The following OR4N5 variants were observed in gnomAD, a reference collection of about 807,000 sequenced individuals.
OR4N5 encodes olfactory receptor family 4 subfamily N member 5, also known as olfactory receptor 4N5.
For synonymous variants in OR4N5, 155 were observed against 140.6 expected, an observed-to-expected ratio of 1.10 and a Z score of -0.72; for missense variants, 428 against 370.0, an observed-to-expected ratio of 1.16 and a Z score of -1.29.
chr14:20,145,325 G>C lies in OR4N5; in HGVS notation c.*663G>C, dbSNP rs188724933. On this transcript the variant is annotated 3_prime_UTR_variant, in exon 3 of 3. Transcript: ENST00000641086. ...AAAGGAGATTCTTGAAAGACAATAAGCAGGAGAGTAACTCTTTAATGTTTC... is the reference window on the plus strand; with the variant it reads ...AAAGGAGATTCTTGAAAGACAATAACCAGGAGAGTAACTCTTTAATGTTTC... 6.6e-6 allele frequency: 1 copy of C among 152,170 alleles called. No homozygotes were observed. Among genetic ancestry groups the C allele is most frequent in the African/African-American group, 2.4e-5 (1 of 41,448 alleles). 9.4% of individuals were successfully genotyped at this position (152,170 alleles called of 1,614,324 possible).
intron 2 of OR4N5, 72 bp from the exon 3 acceptor site, chr14:20,143,653 C>T (rs572464994): frequency 1.0e-6 from 1 of 1,003,842 alleles, no homozygotes; most frequent in Admixed American, 2.3e-5. Context: ...ATGTTCTTAT[C>T]TGGAGAGGAG....
In OR4N5 at chr14:20,144,383, C is replaced by T. The variant is rs1245947635; in HGVS notation, c.648C>T (p.Ala216=). The T allele has an allele frequency of 6.2e-7, 1 of 1,613,904 alleles. No individual in the cohort carries two copies. Among genetic ancestry groups the T allele is most frequent in the Non-Finnish European group, 8.5e-7 (1 of 1,179,994 alleles). ...LSLLCFLGLL[A]SYAVILCRIR... ...TCCTGTGCTTCCTGGGCCTTCTGGC[C>T]TCCTATGCAGTCATCCTCTGTCGTA... Residue 216 remains alanine, a synonymous_variant, in exon 3 of 3, where the codon GCC becomes GCT. Coordinates refer to ENST00000641086, the MANE Select transcript of OR4N5 (RefSeq NM_001004724.2).
At position 20,140,107 on chromosome 14, in the gene OR4N5, C is replaced by T. The variant is rs1046076250; in HGVS notation, c.-380-736C>T. Among the ~76,000 whole-genome samples the T allele has an allele frequency of 2.6e-5, 4 of 152,138 alleles. No homozygotes were observed. The East Asian group carries it at 7.7e-4, about 29-fold the overall frequency. On this transcript the variant is annotated intron_variant, in intron 1 of 2. Coordinates refer to ENST00000641086, the MANE Select transcript of OR4N5 (RefSeq NM_001004724.2). Reference sequence around the variant, plus strand: ...GAAATACATAGGAAGCAACTAACTACTGTGCTCACTCTACCTTGGAACAGG... The same window carrying T: ...GAAATACATAGGAAGCAACTAACTATTGTGCTCACTCTACCTTGGAACAGG...
At chr14:20,143,663 G>A (rs752835315) in intron 2 of OR4N5, 62 bp from the exon 3 acceptor site, 182 of 1,084,270 alleles carry the variant, frequency 1.7e-4, no homozygotes, top group Non-Finnish European at 2.4e-4. Flanking sequence ...CTGGAGAGGA[G>A]ATAGAAAACA....
chr14:20,141,074 G>T lies in OR4N5; in HGVS notation c.-149G>T, dbSNP rs1452950696. The T allele has an allele frequency of 6.6e-6, 1 of 152,120 alleles. No homozygotes were observed. Among genetic ancestry groups the T allele is most frequent in the African/African-American group, 2.4e-5 (1 of 41,442 alleles). The allele number at this position is 152,120 out of a possible 1,614,324, so 9.4% of individuals were successfully genotyped here. On this transcript the variant is annotated 5_prime_UTR_variant, in exon 2 of 3. The change abolishes the stop of an existing upstream ORF in the 5' untranslated region. Coordinates refer to ENST00000641086, the MANE Select transcript of OR4N5 (RefSeq NM_001004724.2). ...TTCATCTGTTAGTTAACAGAAAATAGACGGAAATAGTAGAAAATAAAAGCA... is the reference window on the plus strand; with the variant it reads ...TTCATCTGTTAGTTAACAGAAAATATACGGAAATAGTAGAAAATAAAAGCA...
At position 20,144,130 on chromosome 14, in the gene OR4N5, A is replaced by C; in HGVS notation, c.395A>C (p.Tyr132Ser). Residue 132 changes from tyrosine to serine, a missense_variant, in exon 3 of 3, where the codon TAT becomes TCT. Transcript: ENST00000641086. ...RYIAICRPLHYSTIMNPRACY... is the reference protein window; with the variant it reads ...RYIAICRPLHSSTIMNPRACY... ...ATCGCCATCTGCCGGCCTTTACACT[A>C]TTCAACCATCATGAACCCTAGAGCC... 1 of 1,614,066 alleles carries C rather than the reference A, an allele frequency of 6.2e-7. No homozygotes were observed. The highest frequency in any genetic ancestry group is 8.5e-7 in the Non-Finnish European group (1 of 1,179,972).
chr14:20,139,632 C>T (rs1024644038), intron 1 of OR4N5, among the ~76,000 whole-genome samples: 1 of 152,140 alleles, frequency 6.6e-6, no homozygotes, highest in African/African-American at 2.4e-5. Flanking sequence ...GTATTTATCA[C>T]TGAATGCTTC....
chr14:20,143,853 C>G lies in OR4N5; in HGVS notation c.118C>G (p.Pro40Ala). 6.2e-7 allele frequency: 1 copy of G among 1,613,982 alleles called. No homozygotes were observed. Among genetic ancestry groups the G allele is most frequent in the African/African-American group, 1.3e-5 (1 of 74,996 alleles). Residue 40 changes from proline (P) to alanine (A), a missense_variant, in exon 3 of 3, where the codon CCT becomes GCT. Coordinates refer to ENST00000641086, the MANE Select transcript of OR4N5 (RefSeq NM_001004724.2). ...CTTAATTTTCTACCTTATCATCCTCCCTGGAAATTTCCTCATCATTTTCAC... is the reference window on the plus strand; with the variant it reads ...CTTAATTTTCTACCTTATCATCCTCGCTGGAAATTTCCTCATCATTTTCAC... ...LVLIFYLIIL[P>A]GNFLIIFTIK...
rs770823622 is a variant in OR4N5 at position 20,143,940 on chromosome 14, C to G, written c.205C>G (p.Leu69Val). The change falls in exon 3 of 3, where the codon CTG becomes GTG. Residue 69 changes from leucine to valine, a missense_variant. Coordinates refer to ENST00000641086, the MANE Select transcript of OR4N5 (RefSeq NM_001004724.2). ...LYFFLGNLAL[L>V]DASYSFIVVP... ...TTTCTTTCTGGGCAACTTGGCCTTACTGGATGCATCCTACTCCTTCATTGT... is the reference window on the plus strand; with the variant it reads ...TTTCTTTCTGGGCAACTTGGCCTTAGTGGATGCATCCTACTCCTTCATTGT... 6.2e-7 allele frequency: 1 copy of G among 1,614,054 alleles called. No homozygotes were observed. Among genetic ancestry groups the G allele is most frequent in the South Asian group, 1.1e-5 (1 of 91,084 alleles).
rs144264850 is a variant in OR4N5 at position 20,139,843 on chromosome 14, A to T, written c.-381+953A>T. Among the ~76,000 whole-genome samples the T allele has an allele frequency of 3.3e-5, 5 of 152,314 alleles. 1 individual carries two copies. Among genetic ancestry groups the T allele is most frequent in the African/African-American group, 1.2e-4 (5 of 41,592 alleles). On this transcript the variant is annotated intron_variant, in intron 1 of 2. Transcript: ENST00000641086. ...GCCTAAGCTTCCTAAAATTGCAGAT[A>T]TGGTAACTCAGCAAGGTAAAATAAT...
Position 20,144,090 on chromosome 14 carries a change from G to A in OR4N5, c.355G>A (p.Ala119Thr), listed in dbSNP as rs769924991. ...AGAGATGTTCCTCCTCGTTGTGATG[G>A]CCTTTGACCGCTACATCGCCATCTG... ...AGEMFLLVVM[A>T]FDRYIAICRP... The change falls in exon 3 of 3, where the codon GCC becomes ACC. Residue 119 changes from alanine to threonine, a missense_variant. Coordinates refer to ENST00000641086, the MANE Select transcript of OR4N5 (RefSeq NM_001004724.2). 1.2e-6 allele frequency: 2 copies of A among 1,613,904 alleles called. No homozygotes were observed. Among genetic ancestry groups the A allele is most frequent in the East Asian group, 4.5e-5 (2 of 44,876 alleles).
At chr14:20,140,088 C>A (rs1878587109) in intron 1 of OR4N5, among the ~76,000 whole-genome samples, 1 of 152,120 alleles carries the variant, frequency 6.6e-6, no homozygotes, top group African/African-American at 2.4e-5. Context: ...GAATGAAATA[C>A]ATAGGAAGCA....
intron 1 of OR4N5, among the ~76,000 whole-genome samples, chr14:20,139,730 A>G (rs1878580106): frequency 6.6e-6 from 1 of 152,272 alleles, no homozygotes; most frequent in Non-Finnish European, 1.5e-5. Context: ...AAAAACAGCG[A>G]ATATATTATT....
intron 2 of OR4N5, among the ~76,000 whole-genome samples, chr14:20,142,629 T>G (rs1475129983): frequency 6.6e-6 from 1 of 152,186 alleles, no homozygotes; most frequent in Non-Finnish European, 1.5e-5. Flanking sequence ...TATTTAGACA[T>G]GCAGCATCAT....
In OR4N5 at chr14:20,140,925, C is replaced by T. The variant is rs948788291; in HGVS notation, c.-298C>T. 4 of 151,518 alleles carry T rather than the reference C, an allele frequency of 2.6e-5. No individual in the cohort carries two copies. The highest frequency in any genetic ancestry group is 9.7e-5 in the African/African-American group (4 of 41,332). 9.4% of individuals were successfully genotyped at this position (151,518 alleles called of 1,614,324 possible). ...TCATTTTGTACAGAGGAATGCCCAT[C>T]TAATGCATATGTGTCCTCCATCTCT... On this transcript the variant is annotated 5_prime_UTR_variant, in exon 2 of 3. Transcript: ENST00000641086.
At position 20,144,873 on chromosome 14, in the gene OR4N5, T is replaced by C. The variant is rs980804005; in HGVS notation, c.*211T>C. 68 of 524,232 alleles carry C rather than the reference T, an allele frequency of 1.3e-4. No individual in the cohort carries two copies. The Middle Eastern group carries it at 3.1e-3, about 24-fold the overall frequency. 32.5% of individuals were successfully genotyped at this position (524,232 alleles called of 1,614,324 possible). A position where few individuals can be genotyped will look rare whatever the true frequency, so the allele number is the denominator to read the frequency against. ...ATTCAAGGGGATAAATACAGGTTATTAGATTTATTCAAGGGGATAAATACA... is the reference window on the plus strand; with the variant it reads ...ATTCAAGGGGATAAATACAGGTTATCAGATTTATTCAAGGGGATAAATACA... On this transcript the variant is annotated 3_prime_UTR_variant, in exon 3 of 3. Transcript: ENST00000641086.
Position 20,144,666 on chromosome 14 carries a change from G to C in OR4N5, c.*4G>C. 6.3e-7 allele frequency: 1 copy of C among 1,576,482 alleles called. No homozygotes were observed. The highest frequency in any genetic ancestry group is 8.6e-7 in the Non-Finnish European group (1 of 1,160,636). On this transcript the variant is annotated 3_prime_UTR_variant, in exon 3 of 3. Transcript: ENST00000641086. ...AAGTCAACATATGTTTTGCTGAATAGAAGAAAGAGAAAAGCAAGAACGGAG... is the reference window on the plus strand; with the variant it reads ...AAGTCAACATATGTTTTGCTGAATACAAGAAAGAGAAAAGCAAGAACGGAG...
chr14:20,144,479 T>C lies in OR4N5; in HGVS notation c.744T>C (p.Phe248=), dbSNP rs926683551. 77 of 1,613,952 alleles carry C rather than the reference T, an allele frequency of 4.8e-5. No homozygotes were observed. The highest frequency in any genetic ancestry group is 6.0e-5 in the Non-Finnish European group (71 of 1,179,972). Residue 248 remains phenylalanine, a synonymous_variant, in exon 3 of 3, where the codon TTT becomes TTC. Transcript: ENST00000641086. ...STCTTHIIII[F]LMFGPAIFIY... ...GCACCACCCATATTATCATTATATT[T>C]CTCATGTTTGGACCTGCTATTTTCA...
In OR4N5 at chr14:20,144,136, C is replaced by A. The variant is rs1393964547; in HGVS notation, c.401C>A (p.Thr134Asn). The change falls in exon 3 of 3, where the codon ACC becomes AAC. Residue 134 changes from threonine to asparagine, a missense_variant. Coordinates refer to ENST00000641086, the MANE Select transcript of OR4N5 (RefSeq NM_001004724.2). ...IAICRPLHYS[T>N]IMNPRACYAL... ...ATCTGCCGGCCTTTACACTATTCAA[C>A]CATCATGAACCCTAGAGCCTGCTAT... 1 of 1,614,134 alleles carries A rather than the reference C, an allele frequency of 6.2e-7. No homozygotes were observed. The highest frequency in any genetic ancestry group is 8.5e-7 in the Non-Finnish European group (1 of 1,179,998).
Sources: gnomAD v4.1 joint callset for allele counts (sites outside exome capture counted in the v4.1 genomes callset) on GRCh38, gnomAD v4.1.1 for gene constraint, MANE v1.5 for transcripts, NCBI Gene and HGNC (gene_info 2026-07-23, HGNC 2026-07-21) for gene names.